IGDCC3: variants seen among roughly 807,000 people sequenced by gnomAD.
IGDCC3 encodes immunoglobulin superfamily DCC subclass member 3, also known as putative neuronal cell adhesion molecule.
A neutral mutation model predicts 72.0 loss-of-function variants in IGDCC3; 47 were observed. That is an observed-to-expected ratio of 0.65 (90% CI 0.52 to 0.83). The LOEUF is 0.83. Ranked by LOEUF, IGDCC3 falls within the 40% of genes least tolerant of loss-of-function variation. The pLI is 0.00. For missense variants in IGDCC3, 1,038 were observed against 1,091.3 expected (o/e 0.95, Z 0.69); for synonymous variants, 477 against 472.8 (o/e 1.01, Z -0.11).
At chr15:65,372,092 C>T (rs570451575) in intron 2 of IGDCC3, among the ~76,000 whole-genome samples, 102 of 152,318 alleles carry the variant, frequency 6.7e-4, no homozygotes, top group Non-Finnish European at 7.4e-5. Context: ...CCTCCATGGG[C>T]AGCCAAGATT....
At chr15:65,356,469 C>T (rs889305543) in intron 2 of IGDCC3, 1 of 152,116 alleles carries the variant, frequency 6.6e-6, no homozygotes, top group Non-Finnish European at 1.5e-5. Context: ...CTCCTGGAAG[C>T]CAAGGCACCA....
rs1326941606 is a variant in IGDCC3, at chr15:65,335,827, T to C, written c.539A>G (p.Asp180Gly). The part of the protein sequence containing the change: ...ITWEKNRVPI[D>G]TDNERYTLLP... Reference sequence around the variant, plus strand: ...CGTGGCTCACCTCTCATTGTCCGTGTCAATTGGGACTCTGTTCTTCTCCCA... The same window carrying C: ...CGTGGCTCACCTCTCATTGTCCGTGCCAATTGGGACTCTGTTCTTCTCCCA... Residue 180 changes from aspartate (D) to glycine (G), a missense_variant, in exon 3 of 14, where the codon GAC (aspartate) becomes GGC (glycine). By Grantham distance (94) the Asp-to-Gly change is moderately conservative (BLOSUM62 -1). Transcript: ENST00000327987. 1 of 1,614,002 alleles carries C rather than the reference T, an allele frequency of 6.2e-7. No individual in the cohort carries two copies. The highest frequency in any genetic ancestry group is 1.3e-5 in the African/African-American group (1 of 74,908).
chr15:65,360,187 T>C (rs569831312), intron 2 of IGDCC3, among the ~76,000 whole-genome samples: 199 of 152,352 alleles, frequency 1.3e-3, no homozygotes, highest in Non-Finnish European at 2.3e-3. Flanking sequence ...TGGATCCTTT[T>C]CAAACTGATG....
rs1240770898 is a variant in IGDCC3, at chr15:65,375,130, C to T, written c.376G>A (p.Val126Met). The part of the protein sequence containing the change: ...ECVAQNRFGL[V>M]VSRKARIQAA... ...TGGATGCGAGCCTTCCGGCTGACCA[C>T]CAGCCCAAAGCGGTTCTGGGCCACA... is the stretch of plus-strand genomic sequence containing the variant. Residue 126 changes from valine to methionine, a missense_variant, in exon 2 of 14, where the codon GTG becomes ATG. Val to Met is a conservative substitution (Grantham distance 21, BLOSUM62 1). Transcript: ENST00000327987. 2 of 1,613,698 alleles carry T rather than the reference C, an allele frequency of 1.2e-6. No individual in the cohort carries two copies. Among genetic ancestry groups the T allele is most frequent in the East Asian group, 2.2e-5 (1 of 44,894 alleles).
chr15:65,348,531 C>T (rs1421270687), intron 2 of IGDCC3, among the ~76,000 whole-genome samples: 5 of 152,178 alleles, frequency 3.3e-5, no homozygotes, highest in African/African-American at 1.2e-4. Flanking sequence ...GACTGCAGTG[C>T]TGACTGGAAG....
intron 10 of IGDCC3, 51 bp downstream of exon 10, chr15:65,330,499 C>T (rs1208419172): frequency 6.3e-7 from 1 of 1,588,056 alleles, no homozygotes; most frequent in African/African-American, 1.3e-5. Context: ...TCCTGGCCCT[C>T]AGCGCCGCAC....
Position 65,331,954 on chromosome 15 carries a change from T to C in IGDCC3, c.1135A>G (p.Lys379Glu). 1.2e-6 allele frequency: 2 copies of C among 1,613,758 alleles called. No homozygotes were observed. Among genetic ancestry groups the C allele is most frequent in the Non-Finnish European group, 1.7e-6 (2 of 1,179,978 alleles). ...CCACACACATACCTGTTGTTATTCT[T>C]GAGCCTGACGTGGCCTCCTGGCCCC... ...VLGPGGHVRLKNNNSTLTISG... is the reference protein window; with the variant it reads ...VLGPGGHVRLENNNSTLTISG... The change falls in exon 7 of 14, where the codon AAG (lysine) becomes GAG (glutamate). Residue 379 changes from lysine (K) to glutamate (E), a missense_variant. Coordinates refer to ENST00000327987, the MANE Select transcript of IGDCC3 (RefSeq NM_004884.4).
Position 65,339,945 on chromosome 15 carries a change from G to A in IGDCC3, c.410-3989C>T, listed in dbSNP as rs2091065039. Among the ~76,000 whole-genome samples the A allele has an allele frequency of 6.6e-6, 1 of 152,146 alleles. No homozygotes were observed. The highest frequency in any genetic ancestry group is 2.4e-5 in the African/African-American group (1 of 41,416). On this transcript the variant is annotated intron_variant, in intron 2 of 13. Transcript: ENST00000327987. This position sits in a 1 kb window ranked among gnomAD's most constrained non-coding sequence, Gnocchi z 4.1. ...TGAGGGCCAGAGAAAGCGACAGGGA[G>A]GACAAAGTCCTGCTTGGCAGTAGGT...
intron 2 of IGDCC3, among the ~76,000 whole-genome samples, chr15:65,359,306 A>G (rs1440896784): frequency 1.3e-5 from 2 of 152,212 alleles, no homozygotes; most frequent in African/African-American, 4.8e-5. Flanking sequence ...CATTATGGTT[A>G]TAACAGGAAG....
intron 2 of IGDCC3, among the ~76,000 whole-genome samples, chr15:65,336,340 A>G (rs2091029306): frequency 6.6e-6 from 1 of 152,134 alleles, no homozygotes; most frequent in South Asian, 2.1e-4. Context: ...CTTTTTCAGC[A>G]GCTTTCAGAT....
rs747153067 is a variant in IGDCC3, at chr15:65,329,884, G to T, written c.1859-20C>A. ...TCAAGGCTGGGGACAGGGACGGGTT[G>T]GAGGCTTTGGCTCTCCAGGTCTGAA... On this transcript the variant is annotated intron_variant, in intron 11 of 13. Transcript: ENST00000327987. The surrounding 1 kb of genome is among the most constrained non-coding windows in gnomAD (Gnocchi z 4.1). The T allele has an allele frequency of 2.5e-6, 4 of 1,613,472 alleles. No individual in the cohort carries two copies. In the South Asian group the frequency reaches 4.4e-5, roughly 18 times the overall value.
At chr15:65,354,616 C>T (rs2091200188) in intron 2 of IGDCC3, among the ~76,000 whole-genome samples, 1 of 152,218 alleles carries the variant, frequency 6.6e-6, no homozygotes, top group African/African-American at 2.4e-5. Flanking sequence ...ATTTATCTCT[C>T]TACCTCCAGC....
At chr15:65,332,412 T>C (rs1008540139) in intron 6 of IGDCC3, among the ~76,000 whole-genome samples, 37 of 152,136 alleles carry the variant, frequency 2.4e-4, no homozygotes, top group Admixed American at 9.8e-4. Flanking sequence ...CAGGAAATTG[T>C]TAAATAAATA....
Position 65,377,714 on chromosome 15 carries a change from C to T in IGDCC3, c.75G>A (p.Leu25=). 2.2e-6 allele frequency: 3 copies of T among 1,384,436 alleles called. No individual in the cohort carries two copies. Among genetic ancestry groups the T allele is most frequent in the Non-Finnish European group, 2.8e-6 (3 of 1,072,874 alleles). 85.8% of individuals were successfully genotyped at this position (1,384,436 alleles called of 1,614,324 possible). ...CGCTCGGCGCGGGCAGCAGCAGCAA[C>T]AGCAGCGGCAGCAGGAGCCGGGGCC... ...PLWPRLLLPL[L]LLLLPAPSEG... The change falls in exon 1 of 14, where the codon CTG becomes CTA. Residue 25 remains leucine (L), a synonymous_variant. Coordinates refer to ENST00000327987, the MANE Select transcript of IGDCC3 (RefSeq NM_004884.4). The surrounding 1 kb of genome is among the most constrained non-coding windows in gnomAD (Gnocchi z 4.9).
intron 2 of IGDCC3, among the ~76,000 whole-genome samples, chr15:65,353,331 A>G (rs551390060): frequency 1.7e-4 from 25 of 150,850 alleles, no homozygotes; most frequent in Non-Finnish European, 2.2e-4. Context: ...GCTCACTGCA[A>G]CCTCTGCCTC....
At chr15:65,362,287 A>G in intron 2 of IGDCC3, among the ~76,000 whole-genome samples, 1 of 152,100 alleles carries the variant, frequency 6.6e-6, no homozygotes, top group East Asian at 1.9e-4. Context: ...CCAGTAGGGT[A>G]AGCAGATGGG....
At chr15:65,358,075 C>G (rs2091236877) in intron 2 of IGDCC3, among the ~76,000 whole-genome samples, 1 of 151,490 alleles carries the variant, frequency 6.6e-6, no homozygotes, top group African/African-American at 2.4e-5. Context: ...AAAACAACAG[C>G]TAGTTAGTTA....
chr15:65,367,631 G>T (rs1387289390), intron 2 of IGDCC3, among the ~76,000 whole-genome samples: 2 of 152,010 alleles, frequency 1.3e-5, no homozygotes, highest in African/African-American at 4.8e-5. Flanking sequence ...CCCGCCACCC[G>T]CTGGCCACTC....
At chr15:65,376,248 G>A (rs2091358121) in intron 1 of IGDCC3, among the ~76,000 whole-genome samples, 1 of 152,224 alleles carries the variant, frequency 6.6e-6, no homozygotes. Context: ...TGCTCCTGCA[G>A]AAGAGAAATG....
Sources: gnomAD v4.1 joint callset for allele counts (sites outside exome capture counted in the v4.1 genomes callset) on GRCh38, gnomAD v4.1.1 for gene constraint, Gnocchi (gnomAD v3.1) non-coding constraint, MANE v1.5 for transcripts, NCBI Gene and HGNC (gene_info 2026-07-23, HGNC 2026-07-21) for gene names.